The following MYO10 variants were observed in gnomAD, a reference collection of about 807,000 sequenced individuals.
MYO10 encodes unconventional myosin-X.
Under a neutral mutation model 257.3 loss-of-function variants are expected in MYO10, and 133 were observed. The observed-to-expected ratio is 0.52, with a 90% CI of 0.45 to 0.60. The LOEUF (loss-of-function observed/expected upper bound fraction) is 0.60, where lower values mean the gene tolerates loss of function less well. Ranked by LOEUF, MYO10 falls within the 20% of genes least tolerant of loss-of-function variation. MYO10 has a pLI of 0.00. For missense variants in MYO10, 2,399 were observed against 2,635.7 expected (o/e 0.91, Z 1.97); for synonymous variants, 1,104 against 1,028.6 (o/e 1.07, Z -1.40).
chr5:16,790,895 TTA>T (rs576552609), intron 4 of MYO10, among the ~76,000 whole-genome samples: 5 of 144,438 alleles, frequency 3.5e-5, no homozygotes, highest in Admixed American at 1.4e-4. Flanking sequence ...AGTTTTAAAT[TTA>T]TATATATATA....
intron 9 of MYO10, among the ~76,000 whole-genome samples, chr5:16,775,749 C>T (rs565215447): frequency 9.2e-4 from 140 of 151,990 alleles, no homozygotes; most frequent in Non-Finnish European, 1.5e-3. Context: ...ACTACAGGCA[C>T]GTGCCACCAC....
rs186228644 is a variant in MYO10 at position 16,747,846 on chromosome 5, G to A, written c.1929+6982C>T. 7.7e-3 allele frequency among the ~76,000 whole-genome samples: 1,137 copies of A among 146,864 alleles called. 19 individuals carry two copies. The highest frequency in any genetic ancestry group is 0.026 in the African/African-American group (1,068 of 40,516). ...AGGCAGGAGAATCACTTGAACCCTG[G>A]AGGCGGAGCTTGCAGTGAGCCGAGA... On this transcript the variant is annotated intron_variant, in intron 19 of 40. Transcript: ENST00000513610.
chr5:16,902,459 G>C (rs1396987609), intron 1 of MYO10: 8 of 1,365,214 alleles, frequency 5.9e-6, no homozygotes, highest in Admixed American at 1.7e-5. Flanking sequence ...GAAGCACATA[G>C]GCATCGAAGA....
At chr5:16,874,344 CGGG>C (rs61697249) in intron 2 of MYO10, among the ~76,000 whole-genome samples, 10,984 of 28,554 alleles carry the variant, frequency 0.38, 1,583 homozygotes, top group Admixed American at 0.51. Context: ...AAAAAAAAAG[CGGG>C]GGGGGGGGGG....
intron 16 of MYO10, 89 bp from the exon 17 acceptor site, chr5:16,761,635 A>G: frequency 1.1e-6 from 1 of 943,546 alleles, no homozygotes; most frequent in Non-Finnish European, 1.7e-6. Flanking sequence ...ACAAAAAGAA[A>G]TCATTCCAAG....
chr5:16,917,261 AT>A (rs1390680010), intron 1 of MYO10, among the ~76,000 whole-genome samples: 14 of 152,218 alleles, frequency 9.2e-5, no homozygotes, highest in South Asian at 2.1e-4. Context: ...AGGAATAATG[AT>A]TTTATTTAGA....
chr5:16,670,128 C>A (rs1321397424), intron 39 of MYO10, among the ~76,000 whole-genome samples: 3 of 152,160 alleles, frequency 2.0e-5, no homozygotes, highest in Admixed American at 6.6e-5. Context: ...GATAGACATT[C>A]TTCCTTTCAA....
chr5:16,871,713 T>C (rs1189307182), intron 2 of MYO10, among the ~76,000 whole-genome samples: 1 of 152,154 alleles, frequency 6.6e-6, no homozygotes, highest in African/African-American at 2.4e-5. Flanking sequence ...TTCCTGCATG[T>C]TCCACAGTGA....
intron 2 of MYO10, among the ~76,000 whole-genome samples, chr5:16,859,317 T>C (rs1452909746): frequency 1.3e-5 from 2 of 152,144 alleles, no homozygotes; most frequent in African/African-American, 4.8e-5. Context: ...CCTCATGTGG[T>C]GGAAGGGACA....
intron 3 of MYO10, chr5:16,815,422 G>A (rs750499782): frequency 1.4e-6 from 1 of 700,702 alleles, no homozygotes; most frequent in South Asian, 1.5e-5. Context: ...AAGCATTGTG[G>A]ATTTGGAGTT....
intron 17 of MYO10, among the ~76,000 whole-genome samples, chr5:16,758,728 C>T (rs1172667393): frequency 6.6e-6 from 1 of 152,124 alleles, no homozygotes; most frequent in East Asian, 1.9e-4. Flanking sequence ...CTCTAAGCCT[C>T]AGTTTTTTCA....
At chr5:16,679,920 C>G (rs772888132) in intron 33 of MYO10, 27 bp downstream of exon 33, 1 of 1,607,016 alleles carries the variant, frequency 6.2e-7, no homozygotes, top group East Asian at 2.2e-5. Flanking sequence ...TGTAATCACC[C>G]ACCTTGATGG....
chr5:16,671,500 G>A lies in MYO10; in HGVS notation c.5352C>T (p.Phe1784=). The change falls in exon 38 of 41, where the codon TTC becomes TTT. Residue 1784 remains phenylalanine, a synonymous_variant. Coordinates refer to ENST00000513610, the MANE Select transcript of MYO10 (RefSeq NM_012334.3). The part of the protein sequence containing the change: ...TSEVGDLPWK[F]YFKLYCFLDT... ...CCAGGAAGCAGTAAAGTTTGAAGTA[G>A]AATTTCCATGGCAGGTCCCCAACCT... The A allele has an allele frequency of 6.2e-7, 1 of 1,613,966 alleles. No individual in the cohort carries two copies. Among genetic ancestry groups the A allele is most frequent in the South Asian group, 1.1e-5 (1 of 91,082 alleles).
chr5:16,745,507 A>G (rs892666500), intron 19 of MYO10, among the ~76,000 whole-genome samples: 1 of 148,272 alleles, frequency 6.7e-6, no homozygotes, highest in Admixed American at 6.6e-5. Context: ...GCAACACAGT[A>G]AGACCTCGTC....
chr5:16,728,478 C>T (rs979113319), intron 19 of MYO10, among the ~76,000 whole-genome samples: 3 of 151,846 alleles, frequency 2.0e-5, no homozygotes, highest in Admixed American at 6.6e-5. Context: ...AAGGGAACCC[C>T]TGGATCGCCA....
intron 19 of MYO10, among the ~76,000 whole-genome samples, chr5:16,714,567 G>A (rs1179094758): frequency 6.6e-6 from 1 of 152,164 alleles, no homozygotes; most frequent in Non-Finnish European, 1.5e-5. Flanking sequence ...CTGATACCAC[G>A]CACGTCATAA....
Position 16,877,764 on chromosome 5 carries a change from T to C in MYO10, c.22-57A>G, listed in dbSNP as rs200186177. 1.7e-3 allele frequency: 2,300 copies of C among 1,379,674 alleles called. 8 individuals are homozygous for C. Among genetic ancestry groups the C allele is most frequent in the Middle Eastern group, 2.5e-3 (14 of 5,650 alleles). The allele number at this position is 1,379,674 out of a possible 1,614,324, so 85.5% of individuals were successfully genotyped here. ...TTTGGATTGCATTTTGTGGCGAAAC[T>C]GTACTGTCGAAATTACCCTAACTCC... On this transcript the variant is annotated intron_variant, in intron 1 of 40. Transcript: ENST00000513610.
Position 16,663,459 on chromosome 5 carries a change from G to C in MYO10, c.*3233C>G, listed in dbSNP as rs760411786. ...TGAAGTGATAAAATACTTTATGCTGGTGCCTCCTCAGTAACAGACATTCAA... is the reference window on the plus strand; with the variant it reads ...TGAAGTGATAAAATACTTTATGCTGCTGCCTCCTCAGTAACAGACATTCAA... On this transcript the variant is annotated 3_prime_UTR_variant, in exon 41 of 41. Transcript: ENST00000513610. The C allele has an allele frequency of 8.1e-5, 12 of 148,210 alleles. No homozygotes were observed. Among genetic ancestry groups the C allele is most frequent in the Non-Finnish European group, 1.6e-4 (11 of 67,652 alleles). 9.2% of individuals were successfully genotyped at this position (148,210 alleles called of 1,614,324 possible). A position where few individuals can be genotyped will look rare whatever the true frequency, so the allele number is the denominator to read the frequency against.
At chr5:16,797,419 A>T (rs985146094) in intron 3 of MYO10, among the ~76,000 whole-genome samples, 6 of 152,088 alleles carry the variant, frequency 3.9e-5, no homozygotes, top group Non-Finnish European at 5.9e-5. Flanking sequence ...CAAAAGATTT[A>T]AAAAAAGGTT....
Sources: gnomAD v4.1 joint callset for allele counts (sites outside exome capture counted in the v4.1 genomes callset) on GRCh38, gnomAD v4.1.1 for gene constraint, MANE v1.5 for transcripts, NCBI Gene and HGNC (gene_info 2026-07-23, HGNC 2026-07-21) for gene names.